The following ZSCAN25 variants were observed in gnomAD, a reference collection of about 807,000 sequenced individuals.
ZSCAN25 encodes the protein zinc finger and SCAN domain-containing protein 25.
Under a neutral mutation model 38.7 loss-of-function variants are expected in ZSCAN25, and 27 were observed. The observed-to-expected ratio is 0.70, with a 90% confidence interval of 0.51 to 0.96. ZSCAN25 has a LOEUF of 0.96. Among genes scored for constraint, ZSCAN25 ranks in the 40% least tolerant of loss-of-function variants. The probability of loss-of-function intolerance (pLI) is 0.00; values close to 1 mark genes in which losing one functional copy is unlikely to be tolerated. For synonymous variants in ZSCAN25, 273 were observed against 277.7 expected, an observed-to-expected ratio of 0.98 and a Z score of 0.17; for missense variants, 637 against 705.9, an observed-to-expected ratio of 0.90 and a Z score of 1.11.
At chr7:99,668,209 G>A in the ZSCAN25 span, among the ~76,000 whole-genome samples, 2 of 152,052 alleles carry the variant, frequency 1.3e-5, no homozygotes, top group Non-Finnish European at 2.9e-5. Flanking sequence ...AAATATTTCT[G>A]GTGTAAATCT....
At chr7:99,672,913 A>C in the ZSCAN25 span, 1 of 1,340,822 alleles carries the variant, frequency 7.5e-7, no homozygotes, top group Admixed American at 3.3e-5. Flanking sequence ...CAGGGAAGAG[A>C]TATTGAAAGA....
At chr7:99,679,302 G>T in the ZSCAN25 span, among the ~76,000 whole-genome samples, 1 of 152,108 alleles carries the variant, frequency 6.6e-6, no homozygotes, top group South Asian at 2.1e-4. Context: ...GTGTCCCCTG[G>T]TGCGTTATGT....
intron 3 of ZSCAN25, among the ~76,000 whole-genome samples, 181 bp downstream of exon 3, chr7:99,619,313 C>G (rs188118921): frequency 6.6e-6 from 1 of 152,178 alleles, no homozygotes; most frequent in African/African-American, 2.4e-5. Context: ...GTGTTATTCT[C>G]CAGTGAGATC....
At chr7:99,655,986 C>T in the ZSCAN25 span, among the ~76,000 whole-genome samples, 6 of 152,156 alleles carry the variant, frequency 3.9e-5, no homozygotes, top group Non-Finnish European at 7.3e-5. Flanking sequence ...TGGGCTGAGA[C>T]GATGGGGTTT....
the ZSCAN25 span, among the ~76,000 whole-genome samples, chr7:99,715,092 A>G: frequency 6.6e-6 from 1 of 152,240 alleles, no homozygotes; most frequent in Non-Finnish European, 1.5e-5. Flanking sequence ...GATAAAGCTA[A>G]AATCAATAAG....
chr7:99,675,016 A>C, the ZSCAN25 span, among the ~76,000 whole-genome samples: 1 of 152,220 alleles, frequency 6.6e-6, no homozygotes, highest in Non-Finnish European at 1.5e-5. Context: ...CATTTATCTC[A>C]TGTGCTCTCT....
the ZSCAN25 span, among the ~76,000 whole-genome samples, chr7:99,682,477 T>C: frequency 6.6e-6 from 1 of 152,250 alleles, no homozygotes; most frequent in Non-Finnish European, 1.5e-5. Context: ...TTCTATTTCA[T>C]TGGTCTGTGT....
At chr7:99,729,169 T>C in the ZSCAN25 span, among the ~76,000 whole-genome samples, 1 of 152,178 alleles carries the variant, frequency 6.6e-6, no homozygotes, top group Non-Finnish European at 1.5e-5. Context: ...GTACCTGTTT[T>C]TCTCCTTCTG....
At chr7:99,688,875 G>A in the ZSCAN25 span, among the ~76,000 whole-genome samples, 1 of 152,290 alleles carries the variant, frequency 6.6e-6, no homozygotes, top group South Asian at 2.1e-4. Flanking sequence ...ACTCAAAACT[G>A]CTCAACTACA....
At chr7:99,658,060 T>C in the ZSCAN25 span, among the ~76,000 whole-genome samples, 3 of 152,234 alleles carry the variant, frequency 2.0e-5, no homozygotes, top group Admixed American at 6.5e-5. Flanking sequence ...GTCTTTTAAT[T>C]GGAGCATTTA....
At chr7:99,617,493 A>T (rs1018326054) in intron 1 of ZSCAN25, among the ~76,000 whole-genome samples, 8 of 152,182 alleles carry the variant, frequency 5.3e-5, no homozygotes, top group Non-Finnish European at 1.0e-4. Context: ...AGGCAGGAGG[A>T]TCGCCTGAGC....
At chr7:99,733,011 CA>C in the ZSCAN25 span, among the ~76,000 whole-genome samples, 1 of 152,276 alleles carries the variant, frequency 6.6e-6, no homozygotes, top group East Asian at 1.9e-4. Flanking sequence ...TGGTAAAATA[CA>C]ACTAAGAAAC....
the ZSCAN25 span, among the ~76,000 whole-genome samples, chr7:99,716,742 C>G: frequency 0.018 from 2,804 of 152,062 alleles, 82 homozygotes; most frequent in African/African-American, 0.064. Context: ...TACTGATACC[C>G]TCAGAAAAAA....
chr7:99,728,614 C>A, the ZSCAN25 span, among the ~76,000 whole-genome samples: 1 of 152,188 alleles, frequency 6.6e-6, no homozygotes. Context: ...TGTCTATCTG[C>A]TAATTGGACA....
the ZSCAN25 span, chr7:99,715,520 T>A: frequency 1.7e-6 from 1 of 579,946 alleles, no homozygotes; most frequent in Non-Finnish European, 2.9e-6. Flanking sequence ...AGTTGACTAG[T>A]GGTTATATAC....
At chr7:99,673,014 C>T in the ZSCAN25 span, 1 of 393,826 alleles carries the variant, frequency 2.5e-6, no homozygotes, top group Non-Finnish European at 3.7e-6. Flanking sequence ...TCCTATGCCA[C>T]TCTCCATAAT....
chr7:99,708,851 GTTTTC>G, the ZSCAN25 span, among the ~76,000 whole-genome samples: 1 of 152,056 alleles, frequency 6.6e-6, no homozygotes, highest in African/African-American at 2.4e-5. Context: ...ACTGGCTATA[GTTTTC>G]TTTTATCTAG....
chr7:99,662,370 T>C, the ZSCAN25 span, among the ~76,000 whole-genome samples: 1 of 152,224 alleles, frequency 6.6e-6, no homozygotes, highest in Non-Finnish European at 1.5e-5. This position sits in a 1 kb window ranked among gnomAD's most constrained non-coding sequence, Gnocchi z 4.3. Flanking sequence ...TAGTTACTTA[T>C]GCATTTCAAA....
the ZSCAN25 span, among the ~76,000 whole-genome samples, chr7:99,707,448 TG>T: frequency 3.9e-5 from 6 of 152,216 alleles, no homozygotes; most frequent in African/African-American, 1.4e-4. Flanking sequence ...CTACAAGTTC[TG>T]GGAAGGAAGA....
Sources: allele counts gnomAD v4.1 joint callset (sites outside exome capture counted in the v4.1 genomes callset), GRCh38; gene constraint gnomAD v4.1.1; non-coding constraint Gnocchi (gnomAD v3.1); transcripts MANE v1.5; gene names NCBI Gene and HGNC (gene_info 2026-07-23, HGNC 2026-07-21).